CDH20: variants seen among roughly 807,000 people sequenced by gnomAD.
CDH20 encodes the protein cadherin 20.
A neutral mutation model predicts 74.2 loss-of-function variants in CDH20; 29 were observed. That is an observed-to-expected ratio of 0.39 (90% CI 0.29 to 0.53). The LOEUF is 0.53. Ranked by LOEUF, CDH20 falls within the 20% of genes least tolerant of loss-of-function variation. The probability of loss-of-function intolerance (pLI) is 0.69; values close to 1 mark genes in which losing one functional copy is unlikely to be tolerated. For missense variants in CDH20, 988 were observed against 1,048.3 expected (o/e 0.94, Z 0.79); for synonymous variants, 469 against 405.4 (o/e 1.16, Z -1.88).
At chr18:61,458,258 T>A (rs1317189353) in intron 1 of CDH20, among the ~76,000 whole-genome samples, 1 of 152,198 alleles carries the variant, frequency 6.6e-6, no homozygotes. Context: ...CAGAATAGGG[T>A]CTTCCTTACT....
chr18:61,401,122 T>G (rs957755657), intron 1 of CDH20, among the ~76,000 whole-genome samples: 1 of 152,224 alleles, frequency 6.6e-6, no homozygotes, highest in African/African-American at 2.4e-5. Context: ...GACACTATCT[T>G]GGAATGAGAA....
chr18:61,544,625 C>T (rs1436245210), intron 9 of CDH20, among the ~76,000 whole-genome samples: 1 of 152,204 alleles, frequency 6.6e-6, no homozygotes, highest in Non-Finnish European at 1.5e-5. Flanking sequence ...TTGGCATCCG[C>T]ATCATTCCAC....
chr18:61,357,703 T>C (rs1035088279), intron 1 of CDH20, among the ~76,000 whole-genome samples: 5 of 152,172 alleles, frequency 3.3e-5, no homozygotes, highest in Non-Finnish European at 7.3e-5. Flanking sequence ...CAGAACAATG[T>C]TGCAAGGCTG....
intron 9 of CDH20, among the ~76,000 whole-genome samples, chr18:61,542,909 G>A (rs1195147805): frequency 6.6e-6 from 1 of 152,110 alleles, no homozygotes; most frequent in Non-Finnish European, 1.5e-5. Context: ...CTCATCACCA[G>A]GACGACTGCA....
At chr18:61,349,935 C>A (rs929898558) in intron 1 of CDH20, among the ~76,000 whole-genome samples, 3 of 152,192 alleles carry the variant, frequency 2.0e-5, no homozygotes, top group African/African-American at 4.8e-5. Flanking sequence ...ACCAACAAAG[C>A]TTATTAGCTA....
At chr18:61,360,267 A>T (rs1910645563) in intron 1 of CDH20, among the ~76,000 whole-genome samples, 2 of 152,210 alleles carry the variant, frequency 1.3e-5, no homozygotes, top group South Asian at 4.1e-4. Context: ...TTAAGTGGGC[A>T]TAAGGGAATA....
At chr18:61,411,851 G>C (rs1018365856) in intron 1 of CDH20, among the ~76,000 whole-genome samples, 2 of 152,052 alleles carry the variant, frequency 1.3e-5, no homozygotes, top group South Asian at 4.1e-4. Context: ...GGTGGAGAGG[G>C]AAGTTGTGGG....
In CDH20 at chr18:61,550,151, C is replaced by A. The variant is rs781288836; in HGVS notation, c.1822C>A (p.Pro608Thr). Residue 608 changes from proline to threonine, a missense_variant, in exon 11 of 12, where the codon CCA (proline) becomes ACA (threonine). Physicochemically the swap from Pro to Thr is conservative, Grantham distance 38 (BLOSUM62 -1). Transcript: ENST00000262717. ...DDDGHVMSCS[P>T]EAYMLPVSLS... ...CGACGGCCACGTCATGTCCTGCAGC[C>A]CAGAGGCCTACATGCTCCCAGTCAG... 12 of 1,614,084 alleles carry A rather than the reference C, an allele frequency of 7.4e-6. No individual in the cohort carries two copies. The highest frequency in any genetic ancestry group is 1.0e-5 in the Non-Finnish European group (12 of 1,180,058).
At chr18:61,372,146 T>C (rs1911065546) in intron 1 of CDH20, among the ~76,000 whole-genome samples, 1 of 152,106 alleles carries the variant, frequency 6.6e-6, no homozygotes, top group Non-Finnish European at 1.5e-5. Context: ...TTTAAAGTTT[T>C]ATGCATTTTC....
intron 1 of CDH20, among the ~76,000 whole-genome samples, chr18:61,426,538 A>C (rs907476669): frequency 6.6e-6 from 1 of 151,952 alleles, no homozygotes; most frequent in Non-Finnish European, 1.5e-5. Context: ...ACAAAACCTA[A>C]GTAAGGCTCC....
intron 1 of CDH20, among the ~76,000 whole-genome samples, chr18:61,339,787 A>G (rs1909884001): frequency 7.1e-6 from 1 of 141,628 alleles, no homozygotes; most frequent in African/African-American, 2.6e-5. Context: ...TCCTGGGTTC[A>G]TGCCATTCTC....
At chr18:61,428,662 A>G (rs576335879) in intron 1 of CDH20, among the ~76,000 whole-genome samples, 2 of 152,270 alleles carry the variant, frequency 1.3e-5, no homozygotes, top group Admixed American at 1.3e-4. Context: ...ATAAAACTCA[A>G]GTTTCAGTTT....
rs1224967442 is a variant in CDH20 at position 61,528,289 on chromosome 18, G to A, written c.1271+69G>A. On this transcript the variant is annotated intron_variant, in intron 7 of 11. Transcript: ENST00000262717. ...CCCTTCCCTTGTATGTAATTTTCTA[G>A]CACTTTTCCCTTTGTTTCTTTCTTC... is the stretch of plus-strand genomic sequence containing the variant. 2.0e-6 allele frequency: 3 copies of A among 1,498,230 alleles called. No homozygotes were observed. In the African/African-American group the frequency reaches 4.2e-5, roughly 21 times the overall value. 92.8% of individuals were successfully genotyped at this position (1,498,230 alleles called of 1,614,324 possible). A position where few individuals can be genotyped will look rare whatever the true frequency, so the allele number is the denominator to read the frequency against.
chr18:61,352,621 C>T (rs1910345010), intron 1 of CDH20, among the ~76,000 whole-genome samples: 1 of 152,162 alleles, frequency 6.6e-6, no homozygotes, highest in Non-Finnish European at 1.5e-5. Context: ...TGATGATTCT[C>T]CCAATCTAAA....
intron 1 of CDH20, among the ~76,000 whole-genome samples, chr18:61,454,383 C>T (rs542898306): frequency 1.1e-4 from 17 of 152,124 alleles, no homozygotes; most frequent in Non-Finnish European, 2.1e-4. Context: ...TTTGAGTTTT[C>T]GTTTTGGTTT....
intron 7 of CDH20, among the ~76,000 whole-genome samples, chr18:61,528,540 T>C (rs1169533404): frequency 6.6e-6 from 1 of 151,936 alleles, no homozygotes; most frequent in Non-Finnish European, 1.5e-5. Context: ...TCTGTGTTGT[T>C]GTGGAGGGGT....
In CDH20 at chr18:61,351,668, T is replaced by A. The variant is rs899827434; in HGVS notation, c.-153+17841T>A. On this transcript the variant is annotated intron_variant, in intron 1 of 11. Transcript: ENST00000262717. The stretch of plus-strand genomic sequence containing the variant: ...AAAAAAAAAAACAATTTTCAGGTGA[T>A]ATGGGGATAGTTTTAAAAAGCAGCA... 3.3e-5 allele frequency among the ~76,000 whole-genome samples: 5 copies of A among 151,848 alleles called. No homozygotes were observed. In the South Asian group the frequency reaches 1.0e-3, roughly 32 times the overall value.
At chr18:61,463,217 G>A (rs1045191549) in intron 1 of CDH20, among the ~76,000 whole-genome samples, 1 of 152,026 alleles carries the variant, frequency 6.6e-6, no homozygotes, top group Non-Finnish European at 1.5e-5. Flanking sequence ...AGTGCTCTCA[G>A]CACTGTTCTC....
chr18:61,414,895 T>C (rs1055892287), intron 1 of CDH20, among the ~76,000 whole-genome samples: 1 of 152,110 alleles, frequency 6.6e-6, no homozygotes, highest in Non-Finnish European at 1.5e-5. Context: ...TACATTTTTA[T>C]TGTTGGGCAA....
Sources: gnomAD v4.1 joint callset for allele counts (sites outside exome capture counted in the v4.1 genomes callset) on GRCh38, gnomAD v4.1.1 for gene constraint, MANE v1.5 for transcripts, NCBI Gene and HGNC (gene_info 2026-07-23, HGNC 2026-07-21) for gene names.